Variants in TNS3 observed in about 807,000 individuals in gnomAD.
TNS3 encodes tensin 3.
Under a neutral mutation model 140.9 loss-of-function variants are expected in TNS3, and 45 were observed. The observed-to-expected ratio is 0.32, with a 90% CI of 0.25 to 0.41. The LOEUF (loss-of-function observed/expected upper bound fraction) is 0.41, where lower values mean the gene tolerates loss of function less well. Ranked by LOEUF, TNS3 falls within the 10% of genes least tolerant of loss-of-function variation. TNS3 has a pLI of 1.00. For missense variants in TNS3, 1,716 were observed against 1,906.7 expected (o/e 0.90, Z 1.86); for synonymous variants, 815 against 788.4 (o/e 1.03, Z -0.56).
At chr7:47,348,066 A>G (rs1789451433) in intron 17 of TNS3, among the ~76,000 whole-genome samples, 1 of 152,210 alleles carries the variant, frequency 6.6e-6, no homozygotes, top group Non-Finnish European at 1.5e-5. Flanking sequence ...CCCTCACTCC[A>G]GTGCTCTTCA....
chr7:47,427,311 T>G, intron 9 of TNS3, among the ~76,000 whole-genome samples: 1 of 152,054 alleles, frequency 6.6e-6, no homozygotes, highest in East Asian at 1.9e-4. Flanking sequence ...TGATTTTCAC[T>G]TGGGGGTTGG....
At chr7:47,377,484 A>AT (rs1442249050) in intron 16 of TNS3, among the ~76,000 whole-genome samples, 1 of 152,204 alleles carries the variant, frequency 6.6e-6, no homozygotes, top group Non-Finnish European at 1.5e-5. Flanking sequence ...GGTTTGGGCA[A>AT]TAGAAATATT....
At chr7:47,309,556 C>A (rs543273399) in intron 20 of TNS3, among the ~76,000 whole-genome samples, 9 of 152,282 alleles carry the variant, frequency 5.9e-5, no homozygotes, top group African/African-American at 2.2e-4. Context: ...CTGCTACCCA[C>A]CACAGAGGGT....
intron 2 of TNS3, among the ~76,000 whole-genome samples, chr7:47,519,455 TCC>T (rs750499098): frequency 9.2e-5 from 14 of 152,038 alleles, no homozygotes; most frequent in Non-Finnish European, 1.5e-4. Context: ...AGGAAACAAG[TCC>T]CCCACCTCAC....
At chr7:47,412,151 C>T (rs1731658832) in intron 12 of TNS3, among the ~76,000 whole-genome samples, 1 of 152,166 alleles carries the variant, frequency 6.6e-6, no homozygotes, top group Admixed American at 6.5e-5. Flanking sequence ...TCCAGAGTGA[C>T]ATCAGTGCAC....
At position 47,303,177 on chromosome 7, in the gene TNS3, T is replaced by C. The variant is rs1488977299; in HGVS notation, c.3230A>G (p.His1077Arg). ...SHNFLTVAPG[H>R]SSHHSPGLQG... The stretch of plus-strand genomic sequence containing the variant: ...CAGGCCTGGACTGTGGTGGCTGCTG[T>C]GTCCAGGCGCCACCGTGAGAAAGTT... The change falls in exon 22 of 31, where the codon CAC becomes CGC. Residue 1077 changes from histidine to arginine, a missense_variant. Around this residue, in one of 3 missense-constraint regions of TNS3, gnomAD observed 1,163 missense variants for 1,182.1 expected, o/e 0.98. Transcript: ENST00000311160. 6.2e-7 allele frequency: 1 copy of C among 1,613,430 alleles called. No individual in the cohort carries two copies. The highest frequency in any genetic ancestry group is 1.7e-5 in the Admixed American group (1 of 60,004).
intron 28 of TNS3, among the ~76,000 whole-genome samples, chr7:47,281,922 G>GA (rs1785163863): frequency 6.9e-6 from 1 of 144,052 alleles, no homozygotes. Flanking sequence ...GCCTAGCCAT[G>GA]CCCCTGACCC....
chr7:47,332,666 A>C (rs1788407578), intron 20 of TNS3, among the ~76,000 whole-genome samples: 1 of 152,178 alleles, frequency 6.6e-6, no homozygotes, highest in African/African-American at 2.4e-5. Context: ...TTTTAAGACA[A>C]ATTTTTGTTA....
chr7:47,409,696 C>T (rs1239569834), intron 13 of TNS3, among the ~76,000 whole-genome samples: 1 of 151,972 alleles, frequency 6.6e-6, no homozygotes, highest in Non-Finnish European at 1.5e-5. Flanking sequence ...CTCGCTCTGT[C>T]GCCCAGGCTG....
chr7:47,493,911 T>C (rs530233753), intron 3 of TNS3, among the ~76,000 whole-genome samples: 25 of 152,150 alleles, frequency 1.6e-4, no homozygotes, highest in East Asian at 1.4e-3. Context: ...AAATTAAGCA[T>C]TGAGCTGCAA....
intron 20 of TNS3, among the ~76,000 whole-genome samples, chr7:47,316,092 A>AAC (rs1787380040): frequency 1.6e-5 from 1 of 61,144 alleles, no homozygotes; most frequent in Non-Finnish European, 3.5e-5. Flanking sequence ...CTAACTAACT[A>AAC]TTTCTCTCTC....
Position 47,400,827 on chromosome 7 carries a change from C to G in TNS3, c.811G>C (p.Gly271Arg), listed in dbSNP as rs769007587. Reference sequence around the variant, plus strand: ...AGATCCTCCTTCCCAAACACCAGCCCGTAGCCCTGCACAGCCCCAGTGTGA... The same window carrying G: ...AGATCCTCCTTCCCAAACACCAGCCGGTAGCCCTGCACAGCCCCAGTGTGA... ...QFHTGAVQGY[G>R]LVFGKEDLDN... Residue 271 changes from glycine to arginine, a missense_variant, in exon 14 of 31, where the codon GGG becomes CGG. Gly to Arg is a moderately radical substitution (Grantham distance 125). This residue lies in a region of TNS3 where 337 missense variants were observed against 428.9 expected (regional missense o/e 0.79). Coordinates refer to ENST00000311160, the MANE Select transcript of TNS3 (RefSeq NM_022748.12). 2 of 1,614,200 alleles carry G rather than the reference C, an allele frequency of 1.2e-6. No individual in the cohort carries two copies. Among genetic ancestry groups the G allele is most frequent in the Admixed American group, 1.7e-5 (1 of 60,030 alleles).
At chr7:47,573,603 A>C (rs572490293) in intron 1 of TNS3, among the ~76,000 whole-genome samples, 1 of 151,956 alleles carries the variant, frequency 6.6e-6, no homozygotes, top group African/African-American at 2.4e-5. Flanking sequence ...CCTTCTGCAA[A>C]GTCGCCCAGG....
At chr7:47,482,305 G>A (rs151303614) in intron 3 of TNS3, among the ~76,000 whole-genome samples, 2 of 152,114 alleles carry the variant, frequency 1.3e-5, no homozygotes, top group Admixed American at 6.5e-5. Flanking sequence ...CTTATCTTAC[G>A]CAGTCCAGTC....
At chr7:47,397,288 C>T (rs938662588) in intron 15 of TNS3, among the ~76,000 whole-genome samples, 9 of 152,180 alleles carry the variant, frequency 5.9e-5, no homozygotes, top group Non-Finnish European at 8.8e-5. Flanking sequence ...CACACTCCTC[C>T]CTTCAAGTCT....
chr7:47,312,853 A>G (rs1473139615), intron 20 of TNS3, among the ~76,000 whole-genome samples: 1 of 152,190 alleles, frequency 6.6e-6, no homozygotes, highest in Non-Finnish European at 1.5e-5. Context: ...CGTTGTGCAC[A>G]TGTACCCTAA....
chr7:47,422,298 T>C (rs1359299852), intron 10 of TNS3, among the ~76,000 whole-genome samples: 1 of 152,174 alleles, frequency 6.6e-6, no homozygotes, highest in African/African-American at 2.4e-5. Flanking sequence ...ACGGGAAGGA[T>C]GCATGAAAAC....
chr7:47,485,646 G>A (rs886764875), intron 3 of TNS3, among the ~76,000 whole-genome samples: 19 of 152,370 alleles, frequency 1.2e-4, no homozygotes, highest in Non-Finnish European at 2.5e-4. Context: ...TGGCATCCCC[G>A]GGATCCGTCC....
At chr7:47,439,721 G>C (rs1214876362) in intron 5 of TNS3, 63 bp from the exon 6 acceptor site, 2 of 1,562,870 alleles carry the variant, frequency 1.3e-6, no homozygotes, top group South Asian at 1.2e-5. Context: ...TCATCCTCTA[G>C]GAAAAAGGTG....
Sources: gnomAD v4.1 joint callset for allele counts (sites outside exome capture counted in the v4.1 genomes callset) on GRCh38, gnomAD v4.1.1 for gene constraint, gnomAD v4.1.1 regional missense constraint, MANE v1.5 for transcripts, NCBI Gene and HGNC (gene_info 2026-07-23, HGNC 2026-07-21) for gene names.